GC: variants seen among roughly 807,000 people sequenced by gnomAD.
The protein encoded by GC is vitamin D-binding protein.
In GC, 43 loss-of-function variants were observed where a neutral mutation model predicts 56.7. The ratio of observed to expected loss-of-function variants is 0.76; its 90% CI spans 0.59 to 0.98. The LOEUF is 0.98. GC is among the 50% of genes least tolerant of loss of function. The pLI is 0.00. For synonymous variants in GC, 216 were observed against 202.7 expected (o/e 1.07, Z -0.56); for missense variants, 529 against 545.9 (o/e 0.97, Z 0.31).
chr4:71,804,038 C>G (rs1167599887), exon 1 of GC: 55 of 825,486 alleles, frequency 6.7e-5, no homozygotes, highest in Non-Finnish European at 8.6e-5. Flanking sequence ...TTTGAAAAAA[C>G]AGTGAAAAGA....
chr4:71,759,827 A>G (rs2149298261), intron 6 of GC, among the ~76,000 whole-genome samples: 1 of 152,302 alleles, frequency 6.6e-6, no homozygotes, highest in Non-Finnish European at 1.5e-5. Context: ...TTCATAGCAA[A>G]TGCTATTTCC....
Position 71,803,879 on chromosome 4 carries a change from A to T in GC, c.21+47T>A, listed in dbSNP as rs561743791. ...ATTTTATAAGGAAACTAAAGCTCAG[A>T]GAGTACCAATGGTAACTTGAAATTA... On this transcript the variant is annotated intron_variant, in intron 1 of 13. Transcript: ENST00000504199. 7.3e-6 allele frequency: 8 copies of T among 1,089,958 alleles called. No homozygotes were observed. In the African/African-American group the frequency reaches 1.2e-4, roughly 17 times the overall value. The allele number at this position is 1,089,958 out of a possible 1,614,324, so 67.5% of individuals were successfully genotyped here.
chr4:71,765,771 G>A lies in GC; in HGVS notation c.262-128C>T. The A allele has an allele frequency of 7.9e-6, 5 of 633,152 alleles. No individual in the cohort carries two copies. In the South Asian group the frequency reaches 8.1e-5, roughly 10 times the overall value. 39.2% of individuals were successfully genotyped at this position (633,152 alleles called of 1,614,324 possible). A position where few individuals can be genotyped will look rare whatever the true frequency, so the allele number is the denominator to read the frequency against. ...TTTATAACTATGTATTCATGCCAAG[G>A]GCTCCATGAAGTGATTTTTTAACAT... On this transcript the variant is annotated intron_variant, in intron 3 of 12. Transcript: ENST00000273951.
intron 1 of GC, among the ~76,000 whole-genome samples, chr4:71,798,768 C>T (rs1479661805): frequency 6.6e-6 from 1 of 152,198 alleles, no homozygotes; most frequent in East Asian, 1.9e-4. Context: ...TGTAAAAAAG[C>T]TCATAATGAG....
chr4:71,796,098 T>C (rs1410440833), intron 1 of GC, among the ~76,000 whole-genome samples: 1 of 152,238 alleles, frequency 6.6e-6, no homozygotes, highest in Non-Finnish European at 1.5e-5. Flanking sequence ...CACTTTTTCC[T>C]TTATTTCAAC....
chr4:71,771,040 T>C (rs1024537694), intron 1 of GC, among the ~76,000 whole-genome samples: 31 of 152,082 alleles, frequency 2.0e-4, no homozygotes, highest in African/African-American at 7.2e-4. Flanking sequence ...CCAGGAAATT[T>C]CCCTCCTGTG....
chr4:71,746,769 T>C (rs943864893), intron 11 of GC, among the ~76,000 whole-genome samples: 7 of 80,100 alleles, frequency 8.7e-5, no homozygotes, highest in Non-Finnish European at 1.6e-4. Context: ...TACCTCTATT[T>C]TGTAAAAAAA....
intron 12 of GC, 46 bp downstream of exon 12, chr4:71,746,105 C>T: frequency 1.3e-6 from 1 of 760,358 alleles, no homozygotes; most frequent in South Asian, 1.5e-5. Context: ...AAAATACATC[C>T]TACAATGCTG....
chr4:71,783,903 A>G, intron 1 of GC, 58 bp downstream of exon 1: 1 of 1,256,126 alleles, frequency 8.0e-7, no homozygotes, highest in Non-Finnish European at 1.1e-6. Flanking sequence ...TTTAAGTGAT[A>G]ATATAAAATT....
chr4:71,754,611 C>T (rs1741656731), intron 9 of GC, 103 bp from the exon 10 acceptor site: 3 of 705,384 alleles, frequency 4.3e-6, no homozygotes, highest in Non-Finnish European at 7.4e-6. Context: ...TAAGCATTGG[C>T]AACTATTTTC....
chr4:71,787,282 G>T (rs1397659747), upstream of GC, among the ~76,000 whole-genome samples: 1 of 151,786 alleles, frequency 6.6e-6, no homozygotes, highest in Non-Finnish European at 1.5e-5. Context: ...CTCTAAAAAG[G>T]ATTCTTTGCT....
chr4:71,771,654 G>A (rs1742345282), intron 1 of GC, among the ~76,000 whole-genome samples: 1 of 152,124 alleles, frequency 6.6e-6, no homozygotes, highest in South Asian at 2.1e-4. Context: ...CTAATTGTTA[G>A]TGGAACCAAA....
chr4:71,756,699 C>T lies in GC; in HGVS notation c.1034+13G>A, dbSNP rs1037643749. On this transcript the variant is annotated intron_variant, in intron 8 of 12. Coordinates refer to ENST00000273951, the MANE Select transcript of GC (RefSeq NM_000583.4). Reference sequence around the variant, plus strand: ...TTAAAATGGGAAAACGTTTTCACATCACCTCTACTTACTTATCCATGACTT... The same window carrying T: ...TTAAAATGGGAAAACGTTTTCACATTACCTCTACTTACTTATCCATGACTT... The T allele has an allele frequency of 3.2e-6, 5 of 1,585,446 alleles. No individual in the cohort carries two copies. The Admixed American group carries it at 6.7e-5, about 21-fold the overall frequency.
chr4:71,805,050 C>T (rs941802627), upstream of GC, among the ~76,000 whole-genome samples: 12 of 152,046 alleles, frequency 7.9e-5, no homozygotes, highest in Admixed American at 6.6e-5. Context: ...TACCCATTGC[C>T]CTTGTGCATG....
At position 71,765,587 on chromosome 4, in the gene GC, T is replaced by C; in HGVS notation, c.318A>G (p.Pro106=). ...CTTTGGTGCAGCACTCAGCAGTGCC[T>C]GGGTGAACGGGGAATGGAGAATTAC... is the stretch of plus-strand genomic sequence containing the variant. ...CESNSPFPVH[P]GTAECCTKEG... Residue 106 remains proline, a synonymous_variant, in exon 4 of 13, where the codon CCA becomes CCG. Coordinates refer to ENST00000273951, the MANE Select transcript of GC (RefSeq NM_000583.4). 1.2e-6 allele frequency: 2 copies of C among 1,613,732 alleles called. No individual in the cohort carries two copies. The highest frequency in any genetic ancestry group is 1.7e-6 in the Non-Finnish European group (2 of 1,179,804).
At chr4:71,765,730 A>G in intron 3 of GC, 87 bp from the exon 4 acceptor site, 2 of 798,014 alleles carry the variant, frequency 2.5e-6, no homozygotes, top group Non-Finnish European at 2.0e-6. Flanking sequence ...CTTAGCCTAT[A>G]ATTAGAAAAT....
At chr4:71,767,929 A>T (rs1336669072) in intron 3 of GC, among the ~76,000 whole-genome samples, 1 of 151,956 alleles carries the variant, frequency 6.6e-6, no homozygotes, top group Non-Finnish European at 1.5e-5. Flanking sequence ...TTCATTCCTG[A>T]GTTACTTCAC....
upstream of GC, among the ~76,000 whole-genome samples, chr4:71,787,302 C>T (rs1742864065): frequency 6.6e-6 from 1 of 151,866 alleles, no homozygotes; most frequent in African/African-American, 2.4e-5. Context: ...TGTGTATGTA[C>T]ATTAAAATTA....
intron 11 of GC, among the ~76,000 whole-genome samples, chr4:71,746,772 TAAAAAAAAA>T (rs34865299): frequency 4.0e-5 from 4 of 100,658 alleles, no homozygotes; most frequent in Non-Finnish European, 7.2e-5. Context: ...CTCTATTTTG[TAAAAAAAAA>T]AAAAAAAAAA....
Sources: allele counts gnomAD v4.1 joint callset (sites outside exome capture counted in the v4.1 genomes callset), GRCh38; gene constraint gnomAD v4.1.1; transcripts MANE v1.5; gene names NCBI Gene and HGNC (gene_info 2026-07-23, HGNC 2026-07-21).